Variants in TTC21B observed in about 807,000 individuals in gnomAD.
The protein encoded by TTC21B is tetratricopeptide repeat domain 21B.
TTC21B carries 127 observed loss-of-function variants against 175.1 expected under a neutral mutation model. That is an observed-to-expected ratio of 0.73 (90% CI 0.63 to 0.84). The LOEUF (loss-of-function observed/expected upper bound fraction) is 0.84. Ranked by LOEUF, TTC21B falls within the 40% of genes least tolerant of loss-of-function variation. The pLI is 0.00. For synonymous variants in TTC21B, 524 were observed against 524.5 expected (o/e 1.00, Z 0.01); for missense variants, 1,561 against 1,558.3 (o/e 1.00, Z -0.03).
At chr2:165,932,349 A>T (rs900560397) in intron 7 of TTC21B, among the ~76,000 whole-genome samples, 1 of 152,180 alleles carries the variant, frequency 6.6e-6, no homozygotes, top group African/African-American at 2.4e-5. Flanking sequence ...CCCTACTAAG[A>T]TACTCCTAGC....
At chr2:165,883,456 C>T (rs533330753) in intron 26 of TTC21B, among the ~76,000 whole-genome samples, 2 of 152,180 alleles carry the variant, frequency 1.3e-5, no homozygotes, top group East Asian at 1.9e-4. Context: ...GAGGGACAGA[C>T]GTCCGCAATT....
intron 8 of TTC21B, among the ~76,000 whole-genome samples, chr2:165,930,845 A>G (rs1217129224): frequency 2.7e-5 from 4 of 149,500 alleles, no homozygotes; most frequent in African/African-American, 4.9e-5. Flanking sequence ...TAGCTATGCC[A>G]TCAGTGAGAA....
intron 6 of TTC21B, among the ~76,000 whole-genome samples, chr2:165,938,267 T>C (rs1433600729): frequency 6.6e-6 from 1 of 152,054 alleles, no homozygotes; most frequent in African/African-American, 2.4e-5. Context: ...TTTTCTTATA[T>C]GAACCATACC....
chr2:165,927,271 T>TATATA (rs1686698312), intron 11 of TTC21B, among the ~76,000 whole-genome samples: 9 of 45,652 alleles, frequency 2.0e-4, no homozygotes, highest in African/African-American at 5.1e-4. Flanking sequence ...TCCTAGTAGT[T>TATATA]ATATATATAT....
At chr2:165,907,813 A>C (rs1016374009) in intron 18 of TTC21B, 29 bp from the exon 19 acceptor site, 1 of 1,417,100 alleles carries the variant, frequency 7.1e-7, no homozygotes, top group African/African-American at 1.4e-5. Flanking sequence ...TAATGCAAAA[A>C]ATTATTCATC....
In TTC21B at chr2:165,949,737, A is replaced by G; in HGVS notation, c.22-13T>C. Reference sequence around the variant, plus strand: ...AATTAATCAAAGTCTAAATGGAAATAATGAAAAAATGTTATAAAGGAATTC... The same window carrying G: ...AATTAATCAAAGTCTAAATGGAAATGATGAAAAAATGTTATAAAGGAATTC... On this transcript the variant is annotated splice_polypyrimidine_tract_variant and intron_variant, in intron 1 of 28. Transcript: ENST00000243344. The G allele has an allele frequency of 6.2e-7, 1 of 1,604,422 alleles. No homozygotes were observed. The highest frequency in any genetic ancestry group is 1.7e-4 in the Middle Eastern group (1 of 6,038).
chr2:165,913,604 G>A lies in TTC21B; in HGVS notation c.2181C>T (p.Leu727=), dbSNP rs1293610485. The change falls in exon 16 of 29, where the codon CTC becomes CTT. Residue 727 remains leucine (L), a synonymous_variant. Coordinates refer to ENST00000243344, the MANE Select transcript of TTC21B (RefSeq NM_024753.5). ...GAATATTCATGTATGCATCACCAAG[G>A]AGAAGAAAAGACCGAGGGTTAGCCA... ...ERMANPRSFL[L]LGDAYMNILE... 1.2e-6 allele frequency: 2 copies of A among 1,612,966 alleles called. No homozygotes were observed.
rs1469277603 is a variant in TTC21B at position 165,894,856 on chromosome 2, A to G, written c.2950+3830T>C. Among the ~76,000 whole-genome samples the G allele has an allele frequency of 1.3e-5, 2 of 152,220 alleles. 1 individual carries two copies. Among genetic ancestry groups the G allele is most frequent in the Non-Finnish European group, 2.9e-5 (2 of 68,036 alleles). ...TGTAATAAAGAACACAAATATGCAC[A>G]TAAATATTTTTAGTAAAATACTATA... On this transcript the variant is annotated intron_variant, in intron 22 of 28. Coordinates refer to ENST00000243344, the MANE Select transcript of TTC21B (RefSeq NM_024753.5).
At chr2:165,900,834 A>C (rs1685534840) in intron 20 of TTC21B, among the ~76,000 whole-genome samples, 1 of 151,864 alleles carries the variant, frequency 6.6e-6, no homozygotes, top group Admixed American at 6.6e-5. Flanking sequence ...TATTAAAACA[A>C]TTTGCAGGTT....
rs1294549037 is a variant in TTC21B at position 165,880,771 on chromosome 2, C to T, written c.3713G>A (p.Gly1238Glu). The change falls in exon 27 of 29, where the codon GGA (glycine) becomes GAA (glutamate). Residue 1238 changes from glycine to glutamate, a missense_variant. Transcript: ENST00000243344. ...TGCTTGCTCTTTTTCCATAATGTAT[C>T]CCATATATTCATAAGCTTTGCAGCA... ...RSCCKAYEYM[G>E]YIMEKEQAYT... 1.9e-6 allele frequency: 3 copies of T among 1,612,770 alleles called. No individual in the cohort carries two copies. Among genetic ancestry groups the T allele is most frequent in the Non-Finnish European group, 2.5e-6 (3 of 1,179,570 alleles).
chr2:165,880,554 A>C, intron 27 of TTC21B, 125 bp downstream of exon 27: 1 of 1,012,300 alleles, frequency 9.9e-7, no homozygotes, highest in Non-Finnish European at 1.5e-6. Context: ...TCCTTTCAGA[A>C]AGGTTGACAA....
At chr2:165,880,442 A>G (rs1684801180) in intron 27 of TTC21B, among the ~76,000 whole-genome samples, 1 of 152,228 alleles carries the variant, frequency 6.6e-6, no homozygotes, top group Non-Finnish European at 1.5e-5. Flanking sequence ...AGAAGGGGGC[A>G]GAATTAGACT....
In TTC21B at chr2:165,949,451, C is replaced by A. The variant is rs141739444; in HGVS notation, c.205G>T (p.Val69Leu). Residue 69 changes from valine (V) to leucine (L), a missense_variant, in exon 3 of 29, where the codon GTA becomes TTA. Physicochemically the swap from Val to Leu is conservative, Grantham distance 32. Transcript: ENST00000243344. The part of the protein sequence containing the change: ...EFEAIKNKQD[V>L]SLCSLLALIY... ...AGTGCAAGTAGAGAACAAAGTGATA[C>A]ATCTTGTTTATTTTTAATAGCCTCA... 36 of 1,613,710 alleles carry A rather than the reference C, an allele frequency of 2.2e-5. No individual in the cohort carries two copies. The African/African-American group carries it at 4.7e-4, about 21-fold the overall frequency.
At chr2:165,906,123 T>C (rs1169738842) in intron 19 of TTC21B, among the ~76,000 whole-genome samples, 1 of 151,892 alleles carries the variant, frequency 6.6e-6, no homozygotes, top group East Asian at 1.9e-4. Context: ...TGAGGAAATG[T>C]TTTACACTAA....
chr2:165,877,067 G>C (rs1684687359), intron 27 of TTC21B, among the ~76,000 whole-genome samples: 1 of 152,168 alleles, frequency 6.6e-6, no homozygotes, highest in South Asian at 2.1e-4. Flanking sequence ...AATGGATGTT[G>C]TTCTCTTGTA....
chr2:165,898,020 C>T (rs1373400241), intron 22 of TTC21B, among the ~76,000 whole-genome samples: 1 of 152,114 alleles, frequency 6.6e-6, no homozygotes, highest in African/African-American at 2.4e-5. Context: ...AAAGTGAACA[C>T]AGCATGTTTG....
At chr2:165,927,226 ATATATATATATCCTAGTAGT>A (rs1403993788) in intron 11 of TTC21B, among the ~76,000 whole-genome samples, 222 of 14,930 alleles carry the variant, frequency 0.015, 12 homozygotes, top group African/African-American at 0.045. Context: ...GTAGTTATAT[ATATATATATATCCTAGTAGT>A]TATATATATA....
chr2:165,893,997 A>C (rs1017676070), intron 22 of TTC21B, among the ~76,000 whole-genome samples: 1 of 152,202 alleles, frequency 6.6e-6, no homozygotes, highest in African/African-American at 2.4e-5. Flanking sequence ...AATTTTAAGC[A>C]AAGGGTAGGT....
chr2:165,952,455 T>C (rs959358428), intron 1 of TTC21B, among the ~76,000 whole-genome samples: 1 of 152,186 alleles, frequency 6.6e-6, no homozygotes, highest in African/African-American at 2.4e-5. Flanking sequence ...TATTCTCTGC[T>C]CTGGAGGCTT....
Sources: allele counts gnomAD v4.1 joint callset (sites outside exome capture counted in the v4.1 genomes callset), GRCh38; gene constraint gnomAD v4.1.1; transcripts MANE v1.5; gene names NCBI Gene and HGNC (gene_info 2026-07-23, HGNC 2026-07-21).